The following CDH10 variants were observed in gnomAD, a reference collection of about 807,000 sequenced individuals.
CDH10 encodes cadherin 10, also known as cadherin-10.
In CDH10, 30 loss-of-function variants were observed where a neutral mutation model predicts 73.1. That is an observed-to-expected ratio of 0.41 (90% confidence interval 0.31 to 0.56). The LOEUF (loss-of-function observed/expected upper bound fraction) is 0.56. CDH10 is among the 20% of genes least tolerant of loss of function. The pLI is 0.27. For synonymous variants in CDH10, 345 were observed against 348.2 expected (o/e 0.99, Z 0.10); for missense variants, 815 against 973.7 (o/e 0.84, Z 2.17).
intron 2 of CDH10, among the ~76,000 whole-genome samples, chr5:24,583,938 C>T (rs568741108): frequency 1.5e-3 from 229 of 152,224 alleles, no homozygotes; most frequent in Non-Finnish European, 2.6e-3. Context: ...CCACCGTGCC[C>T]GGCCAAGAAT....
At chr5:24,571,499 G>A (rs1745379397) in intron 2 of CDH10, among the ~76,000 whole-genome samples, 1 of 152,094 alleles carries the variant, frequency 6.6e-6, no homozygotes, top group African/African-American at 2.4e-5. Flanking sequence ...CCAGTCTGGA[G>A]TCAAGGTCAA....
At chr5:24,498,317 C>A (rs1742365437) in intron 9 of CDH10, 81 bp downstream of exon 9, 3 of 872,404 alleles carry the variant, frequency 3.4e-6, no homozygotes, top group Admixed American at 2.3e-5. Flanking sequence ...TCTGTGTATT[C>A]TTTCCTCTCA....
At chr5:24,639,557 T>C (rs1418532190) in intron 1 of CDH10, among the ~76,000 whole-genome samples, 3 of 151,760 alleles carry the variant, frequency 2.0e-5, no homozygotes, top group Non-Finnish European at 4.4e-5. Flanking sequence ...TTTTGTTACA[T>C]ATTATGCCTA....
intron 8 of CDH10, among the ~76,000 whole-genome samples, chr5:24,500,209 C>G (rs565453572): frequency 6.6e-6 from 1 of 152,230 alleles, no homozygotes; most frequent in African/African-American, 2.4e-5. Context: ...TCCCCTTGTT[C>G]TCTCCATATA....
At chr5:24,529,671 T>C (rs920962386) in intron 5 of CDH10, among the ~76,000 whole-genome samples, 4 of 151,824 alleles carry the variant, frequency 2.6e-5, no homozygotes, top group African/African-American at 9.7e-5. Context: ...ATTATCTATA[T>C]ACATAATACC....
chr5:24,587,184 T>C (rs1392847087), intron 2 of CDH10, among the ~76,000 whole-genome samples: 18 of 152,316 alleles, frequency 1.2e-4, no homozygotes, highest in African/African-American at 4.3e-4. Flanking sequence ...CATTTAGCTA[T>C]ATGAAGTGAC....
chr5:24,509,827 A>T lies in CDH10; in HGVS notation c.1003-8T>A, dbSNP rs1742834286. 1 of 1,595,472 alleles carries T rather than the reference A, an allele frequency of 6.3e-7. No homozygotes were observed. Among genetic ancestry groups the T allele is most frequent in the Middle Eastern group, 1.7e-4 (1 of 5,750 alleles). ...GCTCTCATAGTCGAGTGGCTGTATA[A>T]AAAAATAAATCATCAAATTAGAGTG... is the stretch of plus-strand genomic sequence containing the variant. On this transcript the variant is annotated splice_region_variant and splice_polypyrimidine_tract_variant and intron_variant, in intron 6 of 11. Coordinates refer to ENST00000264463, the MANE Select transcript of CDH10 (RefSeq NM_006727.5).
chr5:24,580,629 T>C (rs781272294), intron 2 of CDH10, among the ~76,000 whole-genome samples: 5 of 152,174 alleles, frequency 3.3e-5, no homozygotes, highest in Admixed American at 6.5e-5. Context: ...CCATGTAACA[T>C]AGAGTAAAAG....
chr5:24,595,328 TAAG>T (rs1561186633), intron 1 of CDH10, among the ~76,000 whole-genome samples: 1 of 152,062 alleles, frequency 6.6e-6, no homozygotes, highest in East Asian at 1.9e-4. Context: ...GTTTCATTAT[TAAG>T]AAGATTTAAA....
chr5:24,581,922 G>C (rs1281446966), intron 2 of CDH10, among the ~76,000 whole-genome samples: 1 of 152,080 alleles, frequency 6.6e-6, no homozygotes, highest in Non-Finnish European at 1.5e-5. Flanking sequence ...TGAGAAAAAT[G>C]AGAATAAAAA....
At chr5:24,527,303 A>G (rs540776167) in intron 5 of CDH10, among the ~76,000 whole-genome samples, 20 of 147,662 alleles carry the variant, frequency 1.4e-4, no homozygotes, top group African/African-American at 4.7e-4. Context: ...ATATATTTAT[A>G]TAATTAAATA....
intron 1 of CDH10, among the ~76,000 whole-genome samples, chr5:24,609,028 G>A (rs975185188): frequency 6.6e-6 from 1 of 152,178 alleles, no homozygotes; most frequent in African/African-American, 2.4e-5. Flanking sequence ...ATAGTTCTGA[G>A]TTTCAAATTG....
Position 24,590,814 on chromosome 5 carries a change from T to C in CDH10, c.231+2446A>G, listed in dbSNP as rs114256308. On this transcript the variant is annotated intron_variant, in intron 2 of 11. Transcript: ENST00000264463. The stretch of plus-strand genomic sequence containing the variant: ...AGTGCTTTGTGAGCTCCCAAAATAT[T>C]CCCCACTACAGAGAGATACCTGTCA... Among the ~76,000 whole-genome samples the C allele has an allele frequency of 9.1e-3, 1,378 of 152,078 alleles. 19 individuals are homozygous for C. The highest frequency in any genetic ancestry group is 0.031 in the African/African-American group (1,300 of 41,502).
intron 2 of CDH10, among the ~76,000 whole-genome samples, chr5:24,538,287 T>C (rs1744029975): frequency 6.6e-6 from 1 of 152,246 alleles, no homozygotes; most frequent in African/African-American, 2.4e-5. Context: ...CTGTAAATTT[T>C]AAAGTTATAA....
chr5:24,639,464 T>C (rs1028764841), intron 1 of CDH10, among the ~76,000 whole-genome samples: 2 of 151,752 alleles, frequency 1.3e-5, no homozygotes, highest in Non-Finnish European at 1.5e-5. Context: ...CTTGTATTTA[T>C]ACATATTACA....
At chr5:24,601,991 A>C (rs2112120108) in intron 1 of CDH10, among the ~76,000 whole-genome samples, 1 of 152,212 alleles carries the variant, frequency 6.6e-6, no homozygotes, top group Non-Finnish European at 1.5e-5. Flanking sequence ...CCACTTTAAC[A>C]AATTTTGGTT....
chr5:24,624,341 C>T (rs1390082478), intron 1 of CDH10, among the ~76,000 whole-genome samples: 1 of 152,042 alleles, frequency 6.6e-6, no homozygotes, highest in Non-Finnish European at 1.5e-5. Flanking sequence ...CTGCCTCAAA[C>T]AATATTTAAA....
chr5:24,642,421 T>A (rs1302278450), intron 1 of CDH10, among the ~76,000 whole-genome samples: 1 of 152,160 alleles, frequency 6.6e-6, no homozygotes, highest in African/African-American at 2.4e-5. Flanking sequence ...AAGATTCATA[T>A]ATTTTGGAAT....
chr5:24,616,776 G>A (rs1193557922), intron 1 of CDH10, among the ~76,000 whole-genome samples: 1 of 152,078 alleles, frequency 6.6e-6, no homozygotes, highest in Non-Finnish European at 1.5e-5. Flanking sequence ...AAAGTCTTGT[G>A]TTTATCAATT....
Sources: gnomAD v4.1 joint callset for allele counts (sites outside exome capture counted in the v4.1 genomes callset) on GRCh38, gnomAD v4.1.1 for gene constraint, MANE v1.5 for transcripts, NCBI Gene and HGNC (gene_info 2026-07-23, HGNC 2026-07-21) for gene names.